The following RNF31 variants were observed in gnomAD, a reference collection of about 807,000 sequenced individuals.
The protein encoded by RNF31 is ring finger protein 31.
RNF31 carries 38 observed loss-of-function variants against 133.6 expected under a neutral mutation model. The ratio of observed to expected loss-of-function variants is 0.28; its 90% CI spans 0.22 to 0.37. The LOEUF is 0.37. Ranked by LOEUF, RNF31 falls within the 10% of genes least tolerant of loss-of-function variation. The probability of loss-of-function intolerance (pLI) is 1.00; values close to 1 mark genes in which losing one functional copy is unlikely to be tolerated. For missense variants in RNF31, 1,118 were observed against 1,394.1 expected, an observed-to-expected ratio of 0.80 and a Z score of 3.15; for synonymous variants, 582 against 552.3, an observed-to-expected ratio of 1.05 and a Z score of -0.75.
chr14:24,158,434 C>T (rs2038379743), intron 18 of RNF31, among the ~76,000 whole-genome samples: 1 of 152,234 alleles, frequency 6.6e-6, no homozygotes, highest in Non-Finnish European at 1.5e-5. Context: ...GGCATTAATA[C>T]TAATTTTCTT....
chr14:24,153,330 G>A (rs1174171925), intron 11 of RNF31, among the ~76,000 whole-genome samples: 1 of 152,114 alleles, frequency 6.6e-6, no homozygotes, highest in African/African-American at 2.4e-5. Context: ...TGTCATCCCT[G>A]CACTTTGGGA....
rs2038269843 is a variant in RNF31, at chr14:24,151,733, A to G, written c.1924-53A>G. ...GAGGAGCAAGAGGGAGCTGAGGGGA[A>G]GGGTCCCTGGAGTCTGACAGCACTT... On this transcript the variant is annotated intron_variant, in intron 10 of 20. Transcript: ENST00000324103. This position sits in a 1 kb window ranked among gnomAD's most constrained non-coding sequence, Gnocchi z 5.3. 1 of 1,601,144 alleles carries G rather than the reference A, an allele frequency of 6.2e-7. No individual in the cohort carries two copies. The highest frequency in any genetic ancestry group is 8.5e-7 in the Non-Finnish European group (1 of 1,173,648).
Position 24,150,758 on chromosome 14 carries a change from A to G in RNF31, c.1358A>G (p.Glu453Gly). ...HAPRPYASSL[E>G]KGPPKPGPPR... Reference sequence around the variant, plus strand: ...CCCCGGCCCTATGCCAGCTCTTTGGAAAAGGGACCCCCCAAGCCTGGGCCC... The same window carrying G: ...CCCCGGCCCTATGCCAGCTCTTTGGGAAAGGGACCCCCCAAGCCTGGGCCC... The change falls in exon 8 of 21, where the codon GAA becomes GGA. Residue 453 changes from glutamate to glycine, a missense_variant. This residue lies in a region of RNF31 where 747 missense variants were observed against 827.9 expected (regional missense o/e 0.90). Transcript: ENST00000324103. The G allele has an allele frequency of 6.3e-7, 1 of 1,599,060 alleles. No individual in the cohort carries two copies. The highest frequency in any genetic ancestry group is 8.5e-7 in the Non-Finnish European group (1 of 1,172,726).
At chr14:24,153,937 C>T (rs1193234402) in intron 11 of RNF31, among the ~76,000 whole-genome samples, 2 of 152,108 alleles carry the variant, frequency 1.3e-5, no homozygotes, top group Admixed American at 6.6e-5. Flanking sequence ...AATGTAGAAT[C>T]TACAGGAAGT....
rs1229270993 is a variant in RNF31, at chr14:24,159,600, A to C, written c.2900-264A>C. On this transcript the variant is annotated intron_variant, in intron 18 of 20. Coordinates refer to ENST00000324103, the MANE Select transcript of RNF31 (RefSeq NM_017999.5). ...AATAACAACCAAAAAAAAAAAAAAA[A>C]AAAAAACACTATCTCAAGAGGGTAT... 7.4e-5 allele frequency among the ~76,000 whole-genome samples: 11 copies of C among 147,970 alleles called. No homozygotes were observed. The East Asian group carries it at 1.3e-3, about 17-fold the overall frequency.
chr14:24,151,324 G>C lies in RNF31; in HGVS notation c.1682G>C (p.Arg561Pro). ...GAGGCCCGGAGAGCCTGGCTGGATC[G>C]TCATGGCAACCTTGATGAAGCTGTG... is the stretch of plus-strand genomic sequence containing the variant. ...CQEARRAWLDRHGNLDEAVEE... is the reference protein window; with the variant it reads ...CQEARRAWLDPHGNLDEAVEE... The change falls in exon 9 of 21, where the codon CGT (arginine) becomes CCT (proline). Residue 561 changes from arginine to proline, a missense_variant. Around this residue, in one of 3 missense-constraint regions of RNF31, gnomAD observed 747 missense variants for 827.9 expected, o/e 0.90. Transcript: ENST00000324103. The surrounding 1 kb of genome is among the most constrained non-coding windows in gnomAD (Gnocchi z 5.3). The C allele has an allele frequency of 6.2e-7, 1 of 1,614,224 alleles. No homozygotes were observed. Among genetic ancestry groups the C allele is most frequent in the Non-Finnish European group, 8.5e-7 (1 of 1,180,042 alleles).
chr14:24,152,246 G>T (rs1450944222), intron 11 of RNF31, among the ~76,000 whole-genome samples: 2 of 151,948 alleles, frequency 1.3e-5, no homozygotes, highest in Non-Finnish European at 2.9e-5. Flanking sequence ...ATACCCCCCT[G>T]CAACCCCTCC....
intron 11 of RNF31, chr14:24,154,955 G>T (rs1331695228): frequency 1.7e-6 from 1 of 583,554 alleles, no homozygotes; most frequent in Non-Finnish European, 3.0e-6. Flanking sequence ...TACCTTAGGT[G>T]TCACCATTGT....
intron 8 of RNF31, 24 bp downstream of exon 8, chr14:24,150,912 G>A: frequency 6.5e-7 from 1 of 1,540,322 alleles, no homozygotes; most frequent in Non-Finnish European, 8.7e-7. Flanking sequence ...CTGCGATGAG[G>A]TAGGGCTGAG....
At position 24,148,286 on chromosome 14, in the gene RNF31, G is replaced by A; in HGVS notation, c.368G>A (p.Gly123Asp). The A allele has an allele frequency of 6.2e-7, 1 of 1,614,218 alleles. No individual in the cohort carries two copies. The highest frequency in any genetic ancestry group is 8.5e-7 in the Non-Finnish European group (1 of 1,180,050). ...QGGRDVLRLY[G>D]YTEEQPDGLS... Reference sequence around the variant, plus strand: ...GGCCGAGATGTGCTGCGATTATATGGCTACACAGAGGAGCAACCAGATGGG... The same window carrying A: ...GGCCGAGATGTGCTGCGATTATATGACTACACAGAGGAGCAACCAGATGGG... The change falls in exon 3 of 21, where the codon GGC becomes GAC. Residue 123 changes from glycine to aspartate, a missense_variant. Gly to Asp is a moderately conservative substitution (Grantham distance 94). Transcript: ENST00000324103.
At chr14:24,148,456 TG>T (rs1228386211) in intron 3 of RNF31, 43 bp downstream of exon 3, 1 of 1,613,368 alleles carries the variant, frequency 6.2e-7, no homozygotes, top group East Asian at 2.2e-5. Context: ...GCACCAGGGC[TG>T]GGGAGCCCAG....
upstream of RNF31, chr14:24,147,469 G>A (rs1594372392): frequency 2.6e-6 from 1 of 390,976 alleles, no homozygotes; most frequent in Non-Finnish European, 4.5e-6. Flanking sequence ...CCGTTCCTCC[G>A]AAATTGGGTC....
At chr14:24,158,039 CAG>C in intron 17 of RNF31, 28 bp downstream of exon 17, 1 of 1,610,998 alleles carries the variant, frequency 6.2e-7, no homozygotes, top group East Asian at 2.2e-5. Context: ...GAGAAGAAGA[CAG>C]GGCCCAGGGT....
In RNF31 at chr14:24,150,266, C is replaced by A. The variant is rs2038242974; in HGVS notation, c.1015C>A (p.Pro339Thr). ...GGGGTTGGGGTTGGGAACTGAGGGT[C>A]CCCAAGGAACTGGAGGCCTAGAACC... ...CKGLGLGTEG[P>T]QGTGGLEPDL... Residue 339 changes from proline (P) to threonine (T), a missense_variant, in exon 7 of 21, where the codon CCC (proline) becomes ACC (threonine). Physicochemically the swap from Pro to Thr is conservative, Grantham distance 38. Around this residue, in one of 3 missense-constraint regions of RNF31, gnomAD observed 747 missense variants for 827.9 expected, o/e 0.90. Transcript: ENST00000324103. 2.5e-6 allele frequency: 4 copies of A among 1,614,174 alleles called. No individual in the cohort carries two copies. The highest frequency in any genetic ancestry group is 3.4e-6 in the Non-Finnish European group (4 of 1,180,032).
chr14:24,159,584 C>CAAAAAAAAAAAAAAAAAAAAAAA (rs59295225), intron 18 of RNF31, among the ~76,000 whole-genome samples: 3 of 82,182 alleles, frequency 3.7e-5, no homozygotes, highest in Non-Finnish European at 2.5e-5. Context: ...AAATAACAAC[C>CAAAAAAAAAAAAAAAAAAAAAAA]AAAAAAAAAA....
At chr14:24,148,478 G>A (rs774905785) in intron 3 of RNF31, 65 bp downstream of exon 3, 27 of 1,612,292 alleles carry the variant, frequency 1.7e-5, no homozygotes, top group Non-Finnish European at 1.6e-5. Flanking sequence ...CCTAACTCAA[G>A]TAAGTTTGAG....
At chr14:24,149,342 C>G in intron 5 of RNF31, 64 bp from the exon 6 acceptor site, 1 of 1,504,810 alleles carries the variant, frequency 6.6e-7, no homozygotes, top group East Asian at 2.3e-5. Context: ...TGCCCCCATC[C>G]ACAGCAGATT....
chr14:24,151,836 G>A lies in RNF31; in HGVS notation c.1974G>A (p.Arg658=). Residue 658 remains arginine (R), a synonymous_variant, in exon 11 of 21, where the codon CGG becomes CGA. Coordinates refer to ENST00000324103, the MANE Select transcript of RNF31 (RefSeq NM_017999.5). This position sits in a 1 kb window ranked among gnomAD's most constrained non-coding sequence, Gnocchi z 5.3. The part of the protein sequence containing the change: ...LAVYALPSWG[R]AELALSLLQE... ...TCTACGCACTCCCCAGCTGGGGCCG[G>A]GCAGAGCTGGCACTGTCACTGCTGC... The A allele has an allele frequency of 6.2e-7, 1 of 1,613,918 alleles. No homozygotes were observed. The highest frequency in any genetic ancestry group is 8.5e-7 in the Non-Finnish European group (1 of 1,179,920).
intron 14 of RNF31, among the ~76,000 whole-genome samples, chr14:24,156,383 C>T (rs1356510035): frequency 2.6e-5 from 4 of 152,218 alleles, no homozygotes; most frequent in Admixed American, 6.5e-5. Flanking sequence ...CAGCTCACTG[C>T]AGCCTCCAAC....
Sources: allele counts gnomAD v4.1 joint callset (sites outside exome capture counted in the v4.1 genomes callset), GRCh38; gene constraint gnomAD v4.1.1; regional missense constraint gnomAD v4.1.1; non-coding constraint Gnocchi (gnomAD v3.1); transcripts MANE v1.5; gene names NCBI Gene and HGNC (gene_info 2026-07-23, HGNC 2026-07-21).